The following SUCO variants were observed in gnomAD, a reference collection of about 807,000 sequenced individuals.
SUCO encodes the protein SUN domain containing ossification factor.
In SUCO, 57 loss-of-function variants were observed where a neutral mutation model predicts 148.1. The ratio of observed to expected loss-of-function variants is 0.38; its 90% CI spans 0.31 to 0.48. SUCO has a LOEUF of 0.48. SUCO is among the 20% of genes least tolerant of loss of function. SUCO has a pLI of 0.96. For missense variants in SUCO, 1,331 were observed against 1,468.2 expected (o/e 0.91, Z 1.53); for synonymous variants, 470 against 502.7 (o/e 0.93, Z 0.87).
Position 172,578,658 on chromosome 1 carries a change from C to A in SUCO, c.1432+269C>A, listed in dbSNP as rs968283759. ...TAATGGTATAAATTATGATTATATC[C>A]CTATGCCAGGGCCAAAAATCTGTTA... On this transcript the variant is annotated intron_variant, in intron 14 of 23. Coordinates refer to ENST00000263688, the MANE Select transcript of SUCO (RefSeq NM_014283.5). 11 of 606,412 alleles carry A rather than the reference C, an allele frequency of 1.8e-5. No individual in the cohort carries two copies. In the African/African-American group the frequency reaches 1.8e-4, roughly 10 times the overall value. The allele number at this position is 606,412 out of a possible 1,614,324, so 37.6% of individuals were successfully genotyped here.
intron 1 of SUCO, among the ~76,000 whole-genome samples, chr1:172,535,937 A>C (rs1204562063): frequency 6.6e-6 from 1 of 152,076 alleles, no homozygotes; most frequent in African/African-American, 2.4e-5. Flanking sequence ...GTCATTATTA[A>C]TTTTTGTTGC....
intron 17 of SUCO, among the ~76,000 whole-genome samples, chr1:172,586,362 C>T (rs986978771): frequency 3.3e-5 from 5 of 152,082 alleles, no homozygotes; most frequent in South Asian, 2.1e-4. Flanking sequence ...AGCAGTGGTT[C>T]TTGAATAATG....
rs375738491 is a variant in SUCO at position 172,588,798 on chromosome 1, C to T, written c.1697C>T (p.Pro566Leu). Residue 566 changes from proline to leucine, a missense_variant, in exon 18 of 24, where the codon CCG becomes CTG. Transcript: ENST00000263688. ...TTEVHTHDME[P>L]STPDTPKESP... The stretch of plus-strand genomic sequence containing the variant: ...GAAGTACACACACATGACATGGAGC[C>T]GTCAACACCAGATACTCCAAAAGAG... The T allele has an allele frequency of 1.1e-5, 18 of 1,568,508 alleles. No homozygotes were observed. The highest frequency in any genetic ancestry group is 1.7e-4 in the Middle Eastern group (1 of 5,882).
intron 3 of SUCO, among the ~76,000 whole-genome samples, chr1:172,554,686 G>A (rs1259231337): frequency 6.7e-6 from 1 of 149,042 alleles, no homozygotes; most frequent in Non-Finnish European, 1.5e-5. Context: ...GCAGTGAGCC[G>A]AGATCATGCC....
At chr1:172,560,855 C>T (rs539290109) in intron 6 of SUCO, among the ~76,000 whole-genome samples, 45 of 152,278 alleles carry the variant, frequency 3.0e-4, no homozygotes, top group African/African-American at 1.1e-3. Context: ...CATTCATGGC[C>T]ACAAAGAAAA....
At chr1:172,532,783 G>A (rs758604298), upstream of SUCO, 3 of 1,611,056 alleles carry the variant, frequency 1.9e-6, no homozygotes, top group African/African-American at 4.0e-5. Flanking sequence ...CGGACTCAGC[G>A]CGCGAGGGAC....
At chr1:172,606,239 A>G (rs1657856136) in intron 22 of SUCO, among the ~76,000 whole-genome samples, 1 of 151,318 alleles carries the variant, frequency 6.6e-6, no homozygotes, top group Admixed American at 6.6e-5. Context: ...TTTGGTATGT[A>G]AGGTTTATAA....
rs546980709 is a variant in SUCO, at chr1:172,602,815, A to G, written c.3265+28A>G. On this transcript the variant is annotated intron_variant, in intron 22 of 23. Transcript: ENST00000263688. ...AGATTTCTGTGGATATATAATATGT[A>G]TATATAAACATGAAACTAGCTTCTG... The G allele has an allele frequency of 1.9e-5, 30 of 1,539,952 alleles. No homozygotes were observed. The South Asian group carries it at 3.2e-4, about 16-fold the overall frequency.
chr1:172,557,767 G>A lies in SUCO; in HGVS notation c.705G>A (p.Leu235=), dbSNP rs1226561271. The A allele has an allele frequency of 1.2e-6, 2 of 1,601,504 alleles. No individual in the cohort carries two copies. The highest frequency in any genetic ancestry group is 2.3e-5 in the South Asian group (2 of 88,096). ...GCGGTGGTGATCCAAAATCTGCATT[G>A]AATGCTTCAGATAATTTAAAAAATG... ...EQGGGDPKSA[L]NASDNLKNES... is the part of the protein sequence containing the mutation. The change falls in exon 6 of 24, where the codon TTG becomes TTA. Residue 235 remains leucine, a synonymous_variant. Coordinates refer to ENST00000263688, the MANE Select transcript of SUCO (RefSeq NM_014283.5).
chr1:172,551,678 G>A, intron 2 of SUCO, 52 bp downstream of exon 2: 1 of 1,160,074 alleles, frequency 8.6e-7, no homozygotes. Context: ...TTCTGAGAGT[G>A]TCTGAAAACA....
chr1:172,538,563 C>G (rs964660087), intron 1 of SUCO, among the ~76,000 whole-genome samples: 4 of 152,032 alleles, frequency 2.6e-5, no homozygotes, highest in African/African-American at 9.7e-5. Context: ...GCTTCTGTCT[C>G]TAAACTTTCA....
chr1:172,611,300 T>C lies in SUCO; in HGVS notation c.*1041T>C, dbSNP rs994727567. 6.6e-6 allele frequency: 1 copy of C among 152,650 alleles called. No individual in the cohort carries two copies. Among genetic ancestry groups the C allele is most frequent in the African/African-American group, 2.4e-5 (1 of 41,458 alleles). 9.5% of individuals were successfully genotyped at this position (152,650 alleles called of 1,614,324 possible). ...TACAAATGTGCAGAGGTAATACATA[T>C]GTGATGTCGATGTCTCTGTCTTTTT... is the stretch of plus-strand genomic sequence containing the variant. On this transcript the variant is annotated 3_prime_UTR_variant, in exon 24 of 24. Coordinates refer to ENST00000263688, the MANE Select transcript of SUCO (RefSeq NM_014283.5).
At chr1:172,572,433 G>A (rs1167827589) in intron 9 of SUCO, among the ~76,000 whole-genome samples, 1 of 151,852 alleles carries the variant, frequency 6.6e-6, no homozygotes, top group East Asian at 1.9e-4. Context: ...CATGTGCTGT[G>A]TCCACTCAGG....
intron 3 of SUCO, among the ~76,000 whole-genome samples, chr1:172,555,143 AG>A (rs1412675897): frequency 6.6e-6 from 1 of 152,240 alleles, no homozygotes; most frequent in African/African-American, 2.4e-5. Flanking sequence ...ATGAGGATCA[AG>A]AGAACATAGT....
intron 6 of SUCO, among the ~76,000 whole-genome samples, chr1:172,561,804 C>T (rs1029997233): frequency 2.0e-5 from 3 of 152,198 alleles, no homozygotes; most frequent in African/African-American, 7.2e-5. Context: ...CACCAAGGGA[C>T]ACAATGGACC....
chr1:172,533,127 G>C, upstream of SUCO: 1 of 1,439,966 alleles, frequency 6.9e-7, no homozygotes, highest in Non-Finnish European at 9.1e-7. Context: ...CACGGAGCAA[G>C]GCCCCCGGCG....
At chr1:172,590,848 T>C in intron 18 of SUCO, 136 bp from the exon 19 acceptor site, 1 of 587,936 alleles carries the variant, frequency 1.7e-6, no homozygotes, top group Non-Finnish European at 3.0e-6. Flanking sequence ...AATAGAATTG[T>C]ATTGCATAGG....
Position 172,566,725 on chromosome 1 carries a change from C to G in SUCO, c.733-2294C>G, listed in dbSNP as rs150076163. The stretch of plus-strand genomic sequence containing the variant: ...ATTTCTAGGAAAATGGTGGTAACTT[C>G]CAGGTTGCTGGATCCTTGTCATGGA... On this transcript the variant is annotated intron_variant, in intron 6 of 23. Transcript: ENST00000263688. Among the ~76,000 whole-genome samples the G allele has an allele frequency of 4.2e-3, 640 of 152,264 alleles. 4 individuals are homozygous for G. Among genetic ancestry groups the G allele is most frequent in the South Asian group, 0.018 (87 of 4,822 alleles).
chr1:172,602,893 A>G, intron 22 of SUCO, 106 bp downstream of exon 22: 2 of 925,348 alleles, frequency 2.2e-6, no homozygotes, highest in East Asian at 2.4e-5. Context: ...CAAAAAATGG[A>G]TACAAGTAGC....
Sources: gnomAD v4.1 joint callset for allele counts (sites outside exome capture counted in the v4.1 genomes callset) on GRCh38, gnomAD v4.1.1 for gene constraint, MANE v1.5 for transcripts, NCBI Gene and HGNC (gene_info 2026-07-23, HGNC 2026-07-21) for gene names.